The following GREB1 variants were observed in gnomAD, a reference collection of about 807,000 sequenced individuals.
The protein encoded by GREB1 is protein GREB1.
Under a neutral mutation model 200.7 loss-of-function variants are expected in GREB1, and 106 were observed. The observed-to-expected ratio is 0.53, with a 90% CI of 0.45 to 0.62. The LOEUF is 0.62. Among genes scored for constraint, GREB1 ranks in the 20% least tolerant of loss-of-function variants. The pLI is 0.00. For synonymous variants in GREB1, 1,132 were observed against 1,092.4 expected (o/e 1.04, Z -0.72); for missense variants, 2,243 against 2,556.8 (o/e 0.88, Z 2.65).
chr2:11,574,135 C>T (rs539305808), intron 4 of GREB1, among the ~76,000 whole-genome samples: 42 of 152,272 alleles, frequency 2.8e-4, no homozygotes, highest in Admixed American at 7.2e-4. Flanking sequence ...TTACAGAAAC[C>T]CTAACAGGCT....
At chr2:11,637,326 C>T (rs1685462554) in intron 30 of GREB1, among the ~76,000 whole-genome samples, 1 of 148,162 alleles carries the variant, frequency 6.7e-6, no homozygotes, top group East Asian at 2.1e-4. Flanking sequence ...GGCTGGGATG[C>T]TGACTGTGGG....
chr2:11,503,079 A>G (rs963172119), intron 1 of GREB1, among the ~76,000 whole-genome samples: 1 of 152,164 alleles, frequency 6.6e-6, no homozygotes, highest in Admixed American at 6.5e-5. Flanking sequence ...CCAATGTTCT[A>G]GTTGTGTGGG....
chr2:11,517,219 C>T (rs1270767275), intron 1 of GREB1, among the ~76,000 whole-genome samples: 1 of 152,200 alleles, frequency 6.6e-6, no homozygotes, highest in Non-Finnish European at 1.5e-5. Flanking sequence ...CTTCCAGCAG[C>T]ACCATCCTGT....
chr2:11,618,168 G>T, intron 21 of GREB1, 120 bp from the exon 22 acceptor site: 1 of 677,236 alleles, frequency 1.5e-6, no homozygotes, highest in Non-Finnish European at 2.1e-6. Context: ...TGGGATGGGT[G>T]ACTCCTGGGA....
At chr2:11,613,061 G>T (rs1010615028) in intron 19 of GREB1, among the ~76,000 whole-genome samples, 7 of 152,224 alleles carry the variant, frequency 4.6e-5, no homozygotes, top group African/African-American at 1.7e-4. Context: ...GGCGTTCTGG[G>T]AGTGGAGGCA....
intron 2 of GREB1, among the ~76,000 whole-genome samples, chr2:11,558,875 G>A (rs569109180): frequency 2.0e-5 from 3 of 152,148 alleles, no homozygotes; most frequent in Admixed American, 6.5e-5. Flanking sequence ...GTATTTGTGA[G>A]GGGGATTTAA....
At chr2:11,582,624 G>T (rs116571320) in intron 7 of GREB1, among the ~76,000 whole-genome samples, 1 of 152,198 alleles carries the variant, frequency 6.6e-6, no homozygotes, top group South Asian at 2.1e-4. Flanking sequence ...TCGGGGCCTC[G>T]GCGCTGTGCA....
Position 11,625,257 on chromosome 2 carries a change from G to A in GREB1, c.4251G>A (p.Pro1417=), listed in dbSNP as rs193173098. Residue 1417 remains proline (P), a synonymous_variant, in exon 24 of 33, where the codon CCG becomes CCA. Coordinates refer to ENST00000381486, the MANE Select transcript of GREB1 (RefSeq NM_014668.4). ...CCTTTGACTACATCATTCACGACCC[G>A]AAGTATGAAGATGCCAGCCTGATTT... is the stretch of plus-strand genomic sequence containing the variant. ...KLPFDYIIHD[P]KYEDASLICS... is the part of the protein sequence containing the mutation. 3,940 of 1,614,124 alleles carry A rather than the reference G, an allele frequency of 2.4e-3. 19 individuals carry two copies. The highest frequency in any genetic ancestry group is 2.9e-3 in the Non-Finnish European group (3,436 of 1,180,008).
intron 15 of GREB1, 86 bp downstream of exon 15, chr2:11,598,946 A>G (rs1681512137): frequency 2.7e-6 from 3 of 1,125,652 alleles, no homozygotes; most frequent in South Asian, 2.8e-5. Context: ...GAGGGTACAA[A>G]TCCTGAAAAG....
intron 7 of GREB1, among the ~76,000 whole-genome samples, chr2:11,584,211 C>T (rs887094562): frequency 6.6e-5 from 10 of 152,138 alleles, no homozygotes; most frequent in Admixed American, 5.9e-4. Flanking sequence ...TGAATCTCTG[C>T]ATGTAGGGGA....
intron 30 of GREB1, among the ~76,000 whole-genome samples, chr2:11,637,087 G>A (rs971069723): frequency 3.9e-5 from 6 of 152,074 alleles, no homozygotes; most frequent in Non-Finnish European, 7.4e-5. Flanking sequence ...CAGGGGCAGA[G>A]GCAGGGGCAG....
intron 17 of GREB1, among the ~76,000 whole-genome samples, chr2:11,609,085 C>T (rs2148296302): frequency 6.6e-6 from 1 of 152,216 alleles, no homozygotes; most frequent in East Asian, 1.9e-4. Context: ...TATTGAAATG[C>T]AGTTGTTTCA....
chr2:11,530,849 G>A (rs1674048485), upstream of GREB1, among the ~76,000 whole-genome samples: 1 of 152,124 alleles, frequency 6.6e-6, no homozygotes, highest in South Asian at 2.1e-4. Context: ...AGGGGTTAGA[G>A]TGAGGGTTGG....
chr2:11,576,582 A>G lies in GREB1; in HGVS notation c.637+47A>G, dbSNP rs762316555. On this transcript the variant is annotated intron_variant, in intron 5 of 32. Transcript: ENST00000381486. The stretch of plus-strand genomic sequence containing the variant: ...GAGGTATGGGAGTGCTGGGCCCCCA[A>G]GTGGGCCGTGGTGCCTGTCGGTGTG... The G allele has an allele frequency of 1.5e-5, 22 of 1,491,190 alleles. No individual in the cohort carries two copies. The East Asian group carries it at 4.3e-4, about 29-fold the overall frequency. The allele number at this position is 1,491,190 out of a possible 1,614,324, so 92.4% of individuals were successfully genotyped here.
chr2:11,613,092 G>T (rs1339482421), intron 19 of GREB1, among the ~76,000 whole-genome samples: 1 of 152,214 alleles, frequency 6.6e-6, no homozygotes, highest in Non-Finnish European at 1.5e-5. Flanking sequence ...CTCGGGAAGA[G>T]CTGGTTCTTC....
intron 25 of GREB1, among the ~76,000 whole-genome samples, chr2:11,627,426 C>G (rs1237262347): frequency 1.3e-5 from 2 of 152,224 alleles, no homozygotes; most frequent in Non-Finnish European, 2.9e-5. Flanking sequence ...GTACCAGGCA[C>G]TGGGGCTGCA....
intron 14 of GREB1, 139 bp from the exon 15 acceptor site, chr2:11,598,541 T>C (rs903864882): frequency 1.3e-6 from 1 of 773,744 alleles, no homozygotes; most frequent in Non-Finnish European, 2.2e-6. Context: ...GGGAGTTTTT[T>C]CCCTTCCTTT....
At chr2:11,569,766 G>T (rs1678070227) in intron 4 of GREB1, among the ~76,000 whole-genome samples, 1 of 152,200 alleles carries the variant, frequency 6.6e-6, no homozygotes, top group Non-Finnish European at 1.5e-5. Flanking sequence ...TGGTGCCCAG[G>T]TCCTGGAGGA....
At chr2:11,601,023 T>C in intron 16 of GREB1, 28 bp downstream of exon 16, 3 of 1,571,248 alleles carry the variant, frequency 1.9e-6, no homozygotes, top group South Asian at 1.1e-5. Flanking sequence ...GCTGGGCCCT[T>C]GTGTAGCAAT....
Sources: allele counts gnomAD v4.1 joint callset (sites outside exome capture counted in the v4.1 genomes callset), GRCh38; gene constraint gnomAD v4.1.1; transcripts MANE v1.5; gene names NCBI Gene and HGNC (gene_info 2026-07-23, HGNC 2026-07-21).